The following ANKRD30B variants were observed in gnomAD, a reference collection of about 807,000 sequenced individuals.
ANKRD30B encodes ankyrin repeat domain 30B, also known as ankyrin repeat domain-containing protein 30B.
In ANKRD30B, 144 loss-of-function variants were observed where a neutral mutation model predicts 202.2. That is an observed-to-expected ratio of 0.71 (90% confidence interval 0.62 to 0.82). ANKRD30B has a LOEUF of 0.82. Among genes scored for constraint, ANKRD30B ranks in the 40% least tolerant of loss-of-function variants. The pLI, the probability that ANKRD30B is intolerant of heterozygous loss-of-function variation, is 0.00. For synonymous variants in ANKRD30B, 508 were observed against 561.3 expected (o/e 0.91, Z 1.34); for missense variants, 1,487 against 1,669.1 (o/e 0.89, Z 1.90).
intron 11 of ANKRD30B, among the ~76,000 whole-genome samples, chr18:14,782,210 T>A (rs1297880591): frequency 1.3e-5 from 2 of 152,214 alleles, no homozygotes; most frequent in Admixed American, 1.3e-4. Context: ...GATTTTTTGG[T>A]GCAGAAGATA....
chr18:14,868,222 C>T, the ANKRD30B span, among the ~76,000 whole-genome samples: 11 of 152,282 alleles, frequency 7.2e-5, no homozygotes, highest in African/African-American at 2.7e-4. Context: ...GGCTTTGGGG[C>T]CTGGCCCAGC....
chr18:14,754,235 A>C (rs1308401825), intron 3 of ANKRD30B, among the ~76,000 whole-genome samples: 1 of 152,172 alleles, frequency 6.6e-6, no homozygotes, highest in Non-Finnish European at 1.5e-5. Context: ...TTGATAGAAT[A>C]GAATCAAGAG....
the ANKRD30B span, among the ~76,000 whole-genome samples, chr18:14,892,084 G>A: frequency 1.3e-5 from 2 of 152,176 alleles, no homozygotes; most frequent in East Asian, 3.9e-4. Context: ...AAAGGTCTTA[G>A]CATTGTAAAA....
intron 6 of ANKRD30B, among the ~76,000 whole-genome samples, chr18:14,762,130 T>C (rs1915355994): frequency 6.7e-6 from 1 of 150,090 alleles, no homozygotes; most frequent in Non-Finnish European, 1.5e-5. Flanking sequence ...TACATAAAGG[T>C]CTTCATTCTT....
chr18:14,775,407 A>T (rs2143821007), intron 9 of ANKRD30B, among the ~76,000 whole-genome samples: 1 of 152,326 alleles, frequency 6.6e-6, no homozygotes, highest in Admixed American at 6.5e-5. Flanking sequence ...AAAAGCTCTA[A>T]TTGGATTCAG....
chr18:14,774,613 C>T (rs1967233779), intron 9 of ANKRD30B, among the ~76,000 whole-genome samples: 1 of 152,072 alleles, frequency 6.6e-6, no homozygotes, highest in Admixed American at 6.5e-5. Context: ...AGAATAGAAA[C>T]AACCTATACT....
the ANKRD30B span, among the ~76,000 whole-genome samples, chr18:14,904,175 AT>A: frequency 3.9e-5 from 6 of 152,334 alleles, no homozygotes; most frequent in South Asian, 1.2e-3. Flanking sequence ...TCTTCCCATG[AT>A]CTGGCCTAAA....
At chr18:14,894,632 C>T in the ANKRD30B span, among the ~76,000 whole-genome samples, 11 of 151,820 alleles carry the variant, frequency 7.2e-5, no homozygotes, top group East Asian at 1.5e-3. Context: ...ATACCCTCTT[C>T]GGCATGTTAA....
the ANKRD30B span, among the ~76,000 whole-genome samples, chr18:14,893,643 T>A: frequency 6.6e-6 from 1 of 151,516 alleles, no homozygotes. Flanking sequence ...AACTATGAAA[T>A]CCTACCCTCC....
chr18:14,880,474 T>A, the ANKRD30B span, among the ~76,000 whole-genome samples: 1 of 152,076 alleles, frequency 6.6e-6, no homozygotes, highest in Non-Finnish European at 1.5e-5. Context: ...TTTAACAGAA[T>A]GGTAATTTTC....
the ANKRD30B span, among the ~76,000 whole-genome samples, chr18:14,937,360 A>G: frequency 6.6e-6 from 1 of 152,246 alleles, no homozygotes; most frequent in Non-Finnish European, 1.5e-5. Context: ...ACAGGGAGTT[A>G]GAGTAAACGG....
At chr18:14,933,695 A>T in the ANKRD30B span, among the ~76,000 whole-genome samples, 19 of 151,752 alleles carry the variant, frequency 1.3e-4, 1 homozygote, top group African/African-American at 4.6e-4. Context: ...AGGAAAGGAA[A>T]GGGGTTAGGG....
intron 20 of ANKRD30B, 110 bp from the exon 21 acceptor site, chr18:14,798,991 T>A (rs1230766683): frequency 5.1e-6 from 6 of 1,176,112 alleles, no homozygotes; most frequent in Non-Finnish European, 5.1e-6. Context: ...TGTAATCCCT[T>A]TTCAATCCAA....
At chr18:14,864,480 C>A in the ANKRD30B span, among the ~76,000 whole-genome samples, 2 of 152,088 alleles carry the variant, frequency 1.3e-5, no homozygotes, top group African/African-American at 4.8e-5. Flanking sequence ...CCCTCTCTCA[C>A]CACCCTTTTT....
the ANKRD30B span, among the ~76,000 whole-genome samples, chr18:14,867,069 G>T: frequency 0.011 from 1,664 of 147,868 alleles, 11 homozygotes; most frequent in Middle Eastern, 0.017. Context: ...GCAGTACCCC[G>T]GGCGTTCACT....
At chr18:14,903,425 C>G in the ANKRD30B span, among the ~76,000 whole-genome samples, 1 of 152,090 alleles carries the variant, frequency 6.6e-6, no homozygotes, top group Non-Finnish European at 1.5e-5. Context: ...ATAAATAGAT[C>G]AGGGAACAGG....
intron 11 of ANKRD30B, among the ~76,000 whole-genome samples, chr18:14,781,998 T>G (rs1967778949): frequency 6.6e-6 from 1 of 152,194 alleles, no homozygotes; most frequent in Non-Finnish European, 1.5e-5. Context: ...TATGACTATT[T>G]TAATTTGTTT....
intron 39 of ANKRD30B, among the ~76,000 whole-genome samples, chr18:14,844,107 T>C (rs1459214459): frequency 1.3e-5 from 2 of 152,210 alleles, no homozygotes; most frequent in African/African-American, 2.4e-5. Context: ...GATCCATCCA[T>C]AATGTGTAGA....
At chr18:14,807,408 T>A (rs1463131623) in intron 24 of ANKRD30B, among the ~76,000 whole-genome samples, 2 of 150,560 alleles carry the variant, frequency 1.3e-5, no homozygotes, top group Non-Finnish European at 3.0e-5. Context: ...AATTGTAGAA[T>A]TCATTCCTTG....
Sources: gnomAD v4.1 joint callset for allele counts (sites outside exome capture counted in the v4.1 genomes callset) on GRCh38, gnomAD v4.1.1 for gene constraint, MANE v1.5 for transcripts, NCBI Gene and HGNC (gene_info 2026-07-23, HGNC 2026-07-21) for gene names.